The following CGNL1 variants were observed in gnomAD, a reference collection of about 807,000 sequenced individuals.
The protein encoded by CGNL1 is cingulin like 1.
Under a neutral mutation model 141.2 loss-of-function variants are expected in CGNL1, and 132 were observed. The ratio of observed to expected loss-of-function variants is 0.93; its 90% CI spans 0.81 to 1.08. The LOEUF (loss-of-function observed/expected upper bound fraction) is 1.08. CGNL1 is among the 50% of genes least tolerant of loss of function. The pLI, the probability that CGNL1 is intolerant of heterozygous loss-of-function variation, is 0.00. For missense variants in CGNL1, 1,870 were observed against 1,588.6 expected (o/e 1.18, Z -3.01); for synonymous variants, 690 against 622.1 (o/e 1.11, Z -1.63).
intron 1 of CGNL1, among the ~76,000 whole-genome samples, chr15:57,434,060 C>A (rs895888205): frequency 6.8e-6 from 1 of 147,028 alleles, no homozygotes; most frequent in Non-Finnish European, 1.5e-5. Context: ...ATTACCAAAG[C>A]CTTCAATATG....
intron 1 of CGNL1, among the ~76,000 whole-genome samples, chr15:57,415,197 A>G (rs2062835573): frequency 6.6e-6 from 1 of 152,212 alleles, no homozygotes; most frequent in Non-Finnish European, 1.5e-5. Context: ...GATAGGCATA[A>G]CAGTGTCTCT....
intron 4 of CGNL1, 63 bp downstream of exon 4, chr15:57,442,541 G>A (rs2063203068): frequency 2.0e-6 from 2 of 999,054 alleles, no homozygotes; most frequent in Non-Finnish European, 1.6e-6. Flanking sequence ...ACAACTTGCT[G>A]TTTCTTCAGT....
Position 57,436,044 on chromosome 15 carries a change from C to A in CGNL1, c.-15-1941C>A, listed in dbSNP as rs181398491. Reference sequence around the variant, plus strand: ...CAGCAACAAAATACTACATATGCAACAACTTTCTCAGAATCAAATCTTGGG... The same window carrying A: ...CAGCAACAAAATACTACATATGCAAAAACTTTCTCAGAATCAAATCTTGGG... On this transcript the variant is annotated intron_variant, in intron 1 of 18. Transcript: ENST00000281282. Among the ~76,000 whole-genome samples, 48 of 152,270 alleles carry A rather than the reference C, an allele frequency of 3.2e-4. No homozygotes were observed. In the Middle Eastern group the frequency reaches 0.01, roughly 32 times the overall value.
chr15:57,460,405 G>C (rs546526815), intron 7 of CGNL1, among the ~76,000 whole-genome samples: 1 of 152,298 alleles, frequency 6.6e-6, no homozygotes, highest in African/African-American at 2.4e-5. Context: ...GGTGAAGTTT[G>C]GCAGGTAGCC....
intron 1 of CGNL1, among the ~76,000 whole-genome samples, chr15:57,433,446 A>G (rs1421575157): frequency 6.6e-6 from 1 of 152,222 alleles, no homozygotes; most frequent in Admixed American, 6.5e-5. Flanking sequence ...CTTTGGTGGC[A>G]ACTCCTGCAA....
chr15:57,438,914 A>C lies in CGNL1; in HGVS notation c.915A>C (p.Ser305=). 6.2e-7 allele frequency: 1 copy of C among 1,614,200 alleles called. No homozygotes were observed. Reference sequence around the variant, plus strand: ...CCTCGTCATCCACAACTCCCACGTCAGCCAACTCTTTGTACAGGTTTTTAC... The same window carrying C: ...CCTCGTCATCCACAACTCCCACGTCCGCCAACTCTTTGTACAGGTTTTTAC... The part of the protein sequence containing the change: ...RSSSSSTTPT[S]ANSLYRFLLD... The change falls in exon 2 of 19, where the codon TCA becomes TCC. Residue 305 remains serine, a synonymous_variant. Transcript: ENST00000281282.
At chr15:57,538,810 C>T (rs982649321) in intron 14 of CGNL1, among the ~76,000 whole-genome samples, 4 of 152,224 alleles carry the variant, frequency 2.6e-5, no homozygotes, top group African/African-American at 9.6e-5. Context: ...TCCACAGTCC[C>T]GGTCTAAACT....
At chr15:57,538,844 A>G (rs527641840) in intron 14 of CGNL1, among the ~76,000 whole-genome samples, 2 of 152,222 alleles carry the variant, frequency 1.3e-5, no homozygotes, top group South Asian at 2.1e-4. Context: ...TTCTTCCTTT[A>G]TTGAGAGTCC....
intron 1 of CGNL1, among the ~76,000 whole-genome samples, chr15:57,389,380 A>C (rs116168213): frequency 6.6e-6 from 1 of 152,266 alleles, no homozygotes; most frequent in Non-Finnish European, 1.5e-5. Context: ...AGATTCTGCT[A>C]TCAACAAATG....
chr15:57,422,156 A>T (rs903346462), intron 1 of CGNL1, among the ~76,000 whole-genome samples: 107 of 151,822 alleles, frequency 7.0e-4, no homozygotes, highest in Non-Finnish European at 1.0e-3. Flanking sequence ...GTAATTTTTC[A>T]TGGTCTGCCT....
chr15:57,460,111 A>G (rs2063427065), intron 7 of CGNL1, among the ~76,000 whole-genome samples: 2 of 152,226 alleles, frequency 1.3e-5, no homozygotes, highest in South Asian at 4.1e-4. Flanking sequence ...AGAAAAGATT[A>G]TCAAAGAAGA....
intron 17 of CGNL1, 117 bp downstream of exon 17, chr15:57,545,817 C>G: frequency 1.2e-6 from 1 of 856,592 alleles, no homozygotes; most frequent in Non-Finnish European, 1.8e-6. Flanking sequence ...TGATTCCTCC[C>G]TTTCCACGCA....
chr15:57,494,613 G>C (rs1029524556), intron 8 of CGNL1, among the ~76,000 whole-genome samples: 1 of 152,166 alleles, frequency 6.6e-6, no homozygotes, highest in Non-Finnish European at 1.5e-5. Flanking sequence ...TGAACTTTCT[G>C]TTCTTTCTGT....
At chr15:57,488,075 CT>C (rs2063808772) in intron 8 of CGNL1, among the ~76,000 whole-genome samples, 1 of 152,158 alleles carries the variant, frequency 6.6e-6, no homozygotes, top group Admixed American at 6.5e-5. Context: ...TATTATCTGC[CT>C]TTTTTATGAT....
intron 8 of CGNL1, among the ~76,000 whole-genome samples, chr15:57,497,187 T>C (rs978360558): frequency 2.6e-5 from 4 of 152,182 alleles, no homozygotes; most frequent in Non-Finnish European, 5.9e-5. Flanking sequence ...ATCTGGTGAC[T>C]TCAAACAAAG....
intron 10 of CGNL1, among the ~76,000 whole-genome samples, chr15:57,523,020 C>T (rs760061269): frequency 3.9e-5 from 6 of 152,156 alleles, no homozygotes; most frequent in Non-Finnish European, 8.8e-5. Context: ...GTTCTCTTAG[C>T]GATTCATTTT....
At chr15:57,539,630 C>T (rs971072018) in intron 14 of CGNL1, among the ~76,000 whole-genome samples, 1 of 152,234 alleles carries the variant, frequency 6.6e-6, no homozygotes, top group Non-Finnish European at 1.5e-5. Context: ...GTCAGGCTCA[C>T]CTCTCTGCAG....
intron 1 of CGNL1, among the ~76,000 whole-genome samples, chr15:57,398,174 A>G (rs1167853329): frequency 6.6e-6 from 1 of 152,278 alleles, no homozygotes; most frequent in African/African-American, 2.4e-5. Flanking sequence ...ACAGAAAAGT[A>G]TAAGATGAAA....
chr15:57,493,306 A>G (rs1354582063), intron 8 of CGNL1, among the ~76,000 whole-genome samples: 1 of 152,168 alleles, frequency 6.6e-6, no homozygotes, highest in Non-Finnish European at 1.5e-5. Context: ...TTCTTTTGAC[A>G]GGGTTACTAG....
Sources: gnomAD v4.1 joint callset for allele counts (sites outside exome capture counted in the v4.1 genomes callset) on GRCh38, gnomAD v4.1.1 for gene constraint, MANE v1.5 for transcripts, NCBI Gene and HGNC (gene_info 2026-07-23, HGNC 2026-07-21) for gene names.